The following CSTPP1 variants were observed in gnomAD, a reference collection of about 807,000 sequenced individuals.
The protein encoded by CSTPP1 is centriolar satellite-associated tubulin polyglutamylase complex regulator 1, also known as UPF0705 protein C11orf49.
the CSTPP1 span, among the ~76,000 whole-genome samples, chr11:47,060,115 AAAAG>A: frequency 1.7e-4 from 3 of 17,234 alleles, no homozygotes; most frequent in African/African-American, 2.7e-4. Flanking sequence ...AAAAAAAAAA[AAAAG>A]AAAAGAAAAA....
chr11:47,041,625 C>A, the CSTPP1 span: 1 of 412,500 alleles, frequency 2.4e-6, no homozygotes, highest in East Asian at 4.4e-5. Flanking sequence ...ACTTCTTGCT[C>A]ATGCTCAGCA....
the CSTPP1 span, among the ~76,000 whole-genome samples, chr11:47,038,070 C>T: frequency 9.4e-6 from 1 of 106,012 alleles, no homozygotes; most frequent in African/African-American, 2.7e-5. Context: ...GCGCCCCTCA[C>T]CTCCCGGATG....
the CSTPP1 span, among the ~76,000 whole-genome samples, chr11:47,147,522 C>G: frequency 2.6e-5 from 4 of 152,178 alleles, no homozygotes; most frequent in Non-Finnish European, 5.9e-5. Flanking sequence ...ATGACACCTT[C>G]AGGCTGTCTA....
chr11:47,120,995 A>G, the CSTPP1 span, among the ~76,000 whole-genome samples: 4 of 152,172 alleles, frequency 2.6e-5, no homozygotes, highest in South Asian at 8.3e-4. This position sits in a 1 kb window ranked among gnomAD's most constrained non-coding sequence, Gnocchi z 4.2. Context: ...ATCTTTTTAA[A>G]ATGTATATGA....
the CSTPP1 span, among the ~76,000 whole-genome samples, chr11:47,121,047 C>T: frequency 3.7e-4 from 57 of 152,232 alleles, no homozygotes; most frequent in South Asian, 2.7e-3. Context: ...TGTAATTTAA[C>T]TCCTCTAGGC....
chr11:47,135,972 A>G, the CSTPP1 span, among the ~76,000 whole-genome samples: 1 of 145,604 alleles, frequency 6.9e-6, no homozygotes, highest in Non-Finnish European at 1.5e-5. Context: ...TTCTTAATTA[A>G]GTAACTCTCT....
At chr11:47,085,688 G>C in the CSTPP1 span, among the ~76,000 whole-genome samples, 5 of 152,000 alleles carry the variant, frequency 3.3e-5, no homozygotes, top group African/African-American at 9.6e-5. Context: ...TCAGGAGTTC[G>C]AGACCAGCCT....
the CSTPP1 span, among the ~76,000 whole-genome samples, chr11:46,991,040 C>T: frequency 6.6e-6 from 1 of 152,160 alleles, no homozygotes; most frequent in Middle Eastern, 3.4e-3. Context: ...AAAGGATGTG[C>T]TAGAGAAATA....
chr11:46,938,543 C>G, the CSTPP1 span, among the ~76,000 whole-genome samples: 1 of 151,256 alleles, frequency 6.6e-6, no homozygotes, highest in African/African-American at 2.4e-5. Context: ...TTCTCCCTCC[C>G]CCTGCAGCCC....
chr11:47,163,811 T>A, the CSTPP1 span, among the ~76,000 whole-genome samples: 2 of 151,672 alleles, frequency 1.3e-5, no homozygotes, highest in African/African-American at 2.4e-5. Context: ...CCCACCCCGC[T>A]AATTTTGTAT....
chr11:46,959,607 G>T, the CSTPP1 span, among the ~76,000 whole-genome samples: 4 of 152,108 alleles, frequency 2.6e-5, no homozygotes, highest in Non-Finnish European at 5.9e-5. Context: ...CTTTAGAGGT[G>T]CCTGATACCT....
the CSTPP1 span, among the ~76,000 whole-genome samples, chr11:46,961,362 C>G: frequency 6.6e-6 from 1 of 152,036 alleles, no homozygotes; most frequent in Admixed American, 6.5e-5. Flanking sequence ...AAGGGTTTGT[C>G]TTCTTGGAGA....
chr11:46,936,971 G>A, the CSTPP1 span: 1 of 1,232,884 alleles, frequency 8.1e-7, no homozygotes, highest in Non-Finnish European at 1.1e-6. Context: ...GGGAGGGGCG[G>A]AGAGGCGGGG....
At chr11:47,143,339 A>T in the CSTPP1 span, among the ~76,000 whole-genome samples, 1 of 152,214 alleles carries the variant, frequency 6.6e-6, no homozygotes, top group Non-Finnish European at 1.5e-5. Context: ...CTAGAAGAGG[A>T]ACTGCCCTCT....
chr11:47,038,642 A>C, the CSTPP1 span, among the ~76,000 whole-genome samples: 1 of 103,992 alleles, frequency 9.6e-6, no homozygotes, highest in African/African-American at 3.0e-5. Flanking sequence ...TGACCCCCCC[A>C]CCTCTCTCCC....
chr11:47,006,642 TG>T, the CSTPP1 span, among the ~76,000 whole-genome samples: 1 of 151,790 alleles, frequency 6.6e-6, no homozygotes, highest in Admixed American at 6.6e-5. Context: ...TGGAGTGCAG[TG>T]GTGCAGTCAT....
chr11:46,967,562 T>C, the CSTPP1 span, among the ~76,000 whole-genome samples: 1 of 152,124 alleles, frequency 6.6e-6, no homozygotes, highest in Non-Finnish European at 1.5e-5. Flanking sequence ...CTATGTGATC[T>C]TGGGCAGGTT....
At chr11:47,085,576 C>G in the CSTPP1 span, among the ~76,000 whole-genome samples, 1 of 152,016 alleles carries the variant, frequency 6.6e-6, no homozygotes, top group Non-Finnish European at 1.5e-5. Context: ...TTTCAAGTTC[C>G]TTAATCTTAT....
At chr11:46,936,929 G>A in the CSTPP1 span, 1 of 1,397,510 alleles carries the variant, frequency 7.2e-7, no homozygotes, top group Non-Finnish European at 9.4e-7. Flanking sequence ...GGCGGGGGCG[G>A]GGTCTGAGTG....
Sources: gnomAD v4.1 joint callset for allele counts (sites outside exome capture counted in the v4.1 genomes callset) on GRCh38, gnomAD v4.1.1 for gene constraint, Gnocchi (gnomAD v3.1) non-coding constraint, MANE v1.5 for transcripts, NCBI Gene and HGNC (gene_info 2026-07-23, HGNC 2026-07-21) for gene names.